SMURF2: variants seen among roughly 807,000 people sequenced by gnomAD.
SMURF2 encodes the protein SMAD specific E3 ubiquitin protein ligase 2, also known as E3 ubiquitin-protein ligase SMURF2.
Under a neutral mutation model 109.6 loss-of-function variants are expected in SMURF2, and 48 were observed. The observed-to-expected ratio is 0.44, with a 90% CI of 0.35 to 0.56. The LOEUF (loss-of-function observed/expected upper bound fraction) is 0.56. SMURF2 is among the 20% of genes least tolerant of loss of function. The pLI is 0.01. For synonymous variants in SMURF2, 288 were observed against 317.1 expected (o/e 0.91, Z 0.97); for missense variants, 575 against 909.0 (o/e 0.63, Z 4.72).
At chr17:64,573,196 AGGG>A (rs1429078074) in intron 9 of SMURF2, 1 of 6,354 alleles carries the variant, frequency 1.6e-4, no homozygotes, top group African/African-American at 1.5e-3. Context: ...GAGGAGGAGG[AGGG>A]GGAGGAGGAG....
intron 12 of SMURF2, among the ~76,000 whole-genome samples, chr17:64,558,784 T>C (rs1969164845): frequency 6.6e-6 from 1 of 152,220 alleles, no homozygotes; most frequent in Non-Finnish European, 1.5e-5. Flanking sequence ...AAAAGATAAT[T>C]TGTTACTCAC....
In SMURF2 at chr17:64,593,636, C is replaced by A. The variant is rs78664907; in HGVS notation, c.201-63G>T. 1.2e-4 allele frequency: 161 copies of A among 1,392,606 alleles called. 1 individual carries two copies. In the East Asian group the frequency reaches 3.9e-3, roughly 33 times the overall value. The allele number at this position is 1,392,606 out of a possible 1,614,324, so 86.3% of individuals were successfully genotyped here. The stretch of plus-strand genomic sequence containing the variant: ...TACAGGCAGTTGGCGTAAAATTTTT[C>A]TTTTGTTCTTTTTATATTCTAAAGT... On this transcript the variant is annotated intron_variant, in intron 3 of 18. Coordinates refer to ENST00000262435, the MANE Select transcript of SMURF2 (RefSeq NM_022739.4).
chr17:64,652,972 AAC>A (rs1970659232), intron 1 of SMURF2, among the ~76,000 whole-genome samples: 1 of 152,184 alleles, frequency 6.6e-6, no homozygotes, highest in South Asian at 2.1e-4. Context: ...TGCAGAAGAA[AAC>A]ACAGAGAAAA....
chr17:64,546,031 C>A, intron 18 of SMURF2, 84 bp from the exon 19 acceptor site: 1 of 938,872 alleles, frequency 1.1e-6, no homozygotes, highest in Non-Finnish European at 1.7e-6. Context: ...ATAGCCACAT[C>A]ACTCTGTGTC....
At chr17:64,571,118 C>A (rs1187364311) in intron 10 of SMURF2, among the ~76,000 whole-genome samples, 1 of 152,116 alleles carries the variant, frequency 6.6e-6, no homozygotes, top group African/African-American at 2.4e-5. Flanking sequence ...CAATGCTTGT[C>A]ACACAGTAAG....
At position 64,662,108 on chromosome 17, in the gene SMURF2, C is replaced by T; in HGVS notation, c.-228G>A. 2 of 1,059,552 alleles carry T rather than the reference C, an allele frequency of 1.9e-6. No homozygotes were observed. Among genetic ancestry groups the T allele is most frequent in the South Asian group, 8.8e-5 (2 of 22,832 alleles). 65.6% of individuals were successfully genotyped at this position (1,059,552 alleles called of 1,614,324 possible). On this transcript the variant is annotated 5_prime_UTR_variant, in exon 1 of 19. Coordinates refer to ENST00000262435, the MANE Select transcript of SMURF2 (RefSeq NM_022739.4). ...TCCTTCCTCGGCCCGGGCCGCACAA[C>T]AAAGCGGCAGCCGCGGCCGCCCGCG...
intron 1 of SMURF2, among the ~76,000 whole-genome samples, chr17:64,636,295 ATTGTTGAGTT>A (rs1184025400): frequency 6.6e-6 from 1 of 151,904 alleles, no homozygotes; most frequent in Admixed American, 6.6e-5. Flanking sequence ...TTGTCCTTTT[ATTGTTGAGTT>A]TTAAGAGTTC....
At position 64,554,859 on chromosome 17, in the gene SMURF2, A is replaced by C; in HGVS notation, c.1745T>G (p.Val582Gly). The C allele has an allele frequency of 6.2e-7, 1 of 1,613,294 alleles. No individual in the cohort carries two copies. Among genetic ancestry groups the C allele is most frequent in the Non-Finnish European group, 8.5e-7 (1 of 1,179,646 alleles). Residue 582 changes from valine to glycine, a missense_variant, in exon 15 of 19, where the codon GTC (valine) becomes GGC (glycine). This residue lies in a region of SMURF2 where 361 missense variants were observed against 612.1 expected (regional missense o/e 0.59). Coordinates refer to ENST00000262435, the MANE Select transcript of SMURF2 (RefSeq NM_022739.4). ...TTGAGAACACAGGAGTGTTTACCTG[A>C]CATATTCTTTTTTATTTTCTTCATT... The part of the protein sequence containing the change: ...PVNEENKKEY[V>G]RLYVNWRFLR...
chr17:64,586,775 A>AG, intron 5 of SMURF2, among the ~76,000 whole-genome samples: 1 of 149,752 alleles, frequency 6.7e-6, no homozygotes, highest in Admixed American at 6.7e-5. Context: ...AAAAAAAAAA[A>AG]GGAAGAGGCA....
chr17:64,655,726 A>C (rs1228588871), intron 1 of SMURF2, among the ~76,000 whole-genome samples: 3 of 151,588 alleles, frequency 2.0e-5, no homozygotes, highest in Non-Finnish European at 4.4e-5. Flanking sequence ...ATCTCCACCC[A>C]AAAAAAATAC....
At chr17:64,568,592 A>G (rs1555685288) in intron 10 of SMURF2, among the ~76,000 whole-genome samples, 1 of 152,226 alleles carries the variant, frequency 6.6e-6, no homozygotes, top group African/African-American at 2.4e-5. Flanking sequence ...GGGAAGCAGA[A>G]AGGTAACAAA....
chr17:64,598,177 T>C (rs1969844397), intron 3 of SMURF2, among the ~76,000 whole-genome samples: 1 of 152,238 alleles, frequency 6.6e-6, no homozygotes, highest in Admixed American at 6.5e-5. Context: ...TTTCATTTTC[T>C]TCTTCATAGA....
intron 11 of SMURF2, 44 bp downstream of exon 11, chr17:64,562,727 C>T (rs1425659543): frequency 1.3e-6 from 2 of 1,583,374 alleles, no homozygotes; most frequent in Non-Finnish European, 1.7e-6. Context: ...CAATGGGTTT[C>T]TGGAAAAAAA....
intron 1 of SMURF2, among the ~76,000 whole-genome samples, chr17:64,655,495 T>C (rs527320873): frequency 2.1e-4 from 32 of 151,962 alleles, no homozygotes; most frequent in Non-Finnish European, 4.3e-4. Context: ...TGACCTTAGA[T>C]GATCCACCAT....
At chr17:64,642,377 A>G (rs781864303) in intron 1 of SMURF2, among the ~76,000 whole-genome samples, 2 of 152,236 alleles carry the variant, frequency 1.3e-5, no homozygotes, top group Admixed American at 6.5e-5. Flanking sequence ...ATAGCAAAAG[A>G]GAATGGATAA....
intron 6 of SMURF2, among the ~76,000 whole-genome samples, chr17:64,584,872 T>C (rs1598282570): frequency 6.6e-6 from 1 of 152,316 alleles, no homozygotes; most frequent in Middle Eastern, 3.4e-3. Flanking sequence ...ACAATAAGCC[T>C]TATTACTGCT....
chr17:64,546,283 G>A lies in SMURF2; in HGVS notation c.2127C>T (p.Asn709=), dbSNP rs1968953140. 2.5e-6 allele frequency: 4 copies of A among 1,614,006 alleles called. No homozygotes were observed. In the Admixed American group the frequency reaches 5.0e-5, roughly 20 times the overall value. ...CTTACCAAGTGTGGGCTTTCGGCAG[G>A]TTGTTAGTGCAGGCATCAATCTGGT... is the stretch of plus-strand genomic sequence containing the variant. The part of the protein sequence containing the change: ...TIHQIDACTN[N]LPKAHTCFNR... The change falls in exon 18 of 19, where the codon AAC becomes AAT. Residue 709 remains asparagine (N), a synonymous_variant. Coordinates refer to ENST00000262435, the MANE Select transcript of SMURF2 (RefSeq NM_022739.4).
intron 1 of SMURF2, among the ~76,000 whole-genome samples, chr17:64,654,171 G>C (rs532255994): frequency 6.6e-6 from 1 of 152,146 alleles, no homozygotes; most frequent in African/African-American, 2.4e-5. Flanking sequence ...AATCATCCAC[G>C]TGGTAATTCC....
intron 10 of SMURF2, among the ~76,000 whole-genome samples, chr17:64,570,255 C>T (rs979454376): frequency 1.3e-5 from 2 of 152,130 alleles, no homozygotes; most frequent in African/African-American, 4.8e-5. Flanking sequence ...GTGTTTTTAA[C>T]ATTTTAACAT....
Sources: allele counts gnomAD v4.1 joint callset (sites outside exome capture counted in the v4.1 genomes callset), GRCh38; gene constraint gnomAD v4.1.1; regional missense constraint gnomAD v4.1.1; transcripts MANE v1.5; gene names NCBI Gene and HGNC (gene_info 2026-07-23, HGNC 2026-07-21).